IQCM: variants seen among roughly 807,000 people sequenced by gnomAD.
IQCM encodes IQ motif containing M.
In IQCM, 45 loss-of-function variants were observed where a neutral mutation model predicts 57.6. The observed-to-expected ratio is 0.78, with a 90% CI of 0.62 to 1.00. The LOEUF (loss-of-function observed/expected upper bound fraction) is 1.00. Ranked by LOEUF, IQCM falls within the 50% of genes least tolerant of loss-of-function variation. IQCM has a pLI of 0.00. For missense variants in IQCM, 468 were observed against 511.6 expected, an observed-to-expected ratio of 0.91 and a Z score of 0.82; for synonymous variants, 148 against 158.9, an observed-to-expected ratio of 0.93 and a Z score of 0.51.
intron 7 of IQCM, among the ~76,000 whole-genome samples, chr4:149,674,090 G>A (rs934403475): frequency 1.3e-5 from 2 of 151,930 alleles, no homozygotes; most frequent in Non-Finnish European, 2.9e-5. Context: ...GTCTTTCTTT[G>A]CAGAGTTGTT....
At chr4:149,441,680 T>G (rs1287232186) in intron 12 of IQCM, among the ~76,000 whole-genome samples, 1 of 152,132 alleles carries the variant, frequency 6.6e-6, no homozygotes, top group African/African-American at 2.4e-5. Flanking sequence ...TGATTTAAAT[T>G]TTTCAAAAAT....
At chr4:149,538,615 G>T (rs1489399845) in intron 12 of IQCM, among the ~76,000 whole-genome samples, 2 of 151,782 alleles carry the variant, frequency 1.3e-5, no homozygotes, top group Non-Finnish European at 2.9e-5. Flanking sequence ...CAAACTCTAT[G>T]CTCTCTATAA....
intron 12 of IQCM, among the ~76,000 whole-genome samples, chr4:149,511,855 C>A (rs1158236917): frequency 6.6e-6 from 1 of 152,148 alleles, no homozygotes; most frequent in Non-Finnish European, 1.5e-5. Flanking sequence ...ATACTAATGT[C>A]TTGACTGCAG....
chr4:149,623,218 T>C (rs1170848169), intron 7 of IQCM, among the ~76,000 whole-genome samples: 4 of 152,154 alleles, frequency 2.6e-5, no homozygotes, highest in Non-Finnish European at 5.9e-5. Flanking sequence ...AAAAATGAAT[T>C]GTCTGAAAAG....
At chr4:149,591,914 C>G (rs924109819) in intron 8 of IQCM, among the ~76,000 whole-genome samples, 2 of 152,206 alleles carry the variant, frequency 1.3e-5, no homozygotes, top group Middle Eastern at 3.4e-3. Flanking sequence ...AATAAACATA[C>G]GTGTACATGT....
At chr4:149,663,214 T>C (rs1394486647) in intron 7 of IQCM, among the ~76,000 whole-genome samples, 1 of 152,012 alleles carries the variant, frequency 6.6e-6, no homozygotes, top group Non-Finnish European at 1.5e-5. Flanking sequence ...TTATTTTTTT[T>C]CCCTAATTTA....
chr4:149,449,335 T>C (rs1736842066), intron 12 of IQCM, among the ~76,000 whole-genome samples: 1 of 146,330 alleles, frequency 6.8e-6, no homozygotes, highest in Non-Finnish European at 1.5e-5. Flanking sequence ...TATATATAAA[T>C]AAATTATATT....
chr4:149,514,522 T>C (rs1049095449), intron 12 of IQCM: 1 of 152,226 alleles, frequency 6.6e-6, no homozygotes, highest in African/African-American at 2.4e-5. Flanking sequence ...AGCATTTACT[T>C]ACCTCATATG....
chr4:149,615,720 G>A (rs1448248559), intron 8 of IQCM, among the ~76,000 whole-genome samples: 1 of 152,120 alleles, frequency 6.6e-6, no homozygotes, highest in Non-Finnish European at 1.5e-5. Context: ...TTAAAATTTT[G>A]ATAAGACTAA....
intron 8 of IQCM, among the ~76,000 whole-genome samples, chr4:149,603,174 G>A (rs559275127): frequency 2.6e-5 from 4 of 152,124 alleles, no homozygotes; most frequent in African/African-American, 7.2e-5. Flanking sequence ...TGGCCACTAA[G>A]TATTGTTATA....
At chr4:149,657,925 T>C (rs1200308383) in intron 7 of IQCM, among the ~76,000 whole-genome samples, 1 of 152,062 alleles carries the variant, frequency 6.6e-6, no homozygotes, top group Non-Finnish European at 1.5e-5. Context: ...AGTTTGCAAA[T>C]ACTTTCTCCC....
chr4:149,632,099 G>C (rs1212880586), intron 7 of IQCM, among the ~76,000 whole-genome samples: 1 of 152,222 alleles, frequency 6.6e-6, no homozygotes, highest in Non-Finnish European at 1.5e-5. Context: ...AGTTCTCTCT[G>C]AAGCTGGTTG....
chr4:149,553,371 T>C (rs1289255571), intron 10 of IQCM, 84 bp from the exon 11 acceptor site: 3 of 1,095,330 alleles, frequency 2.7e-6, no homozygotes, highest in Non-Finnish European at 1.2e-6. Context: ...CTATTTCACC[T>C]AGTTTCTAAG....
chr4:149,424,664 A>AT (rs1392011234), intron 13 of IQCM, among the ~76,000 whole-genome samples: 1 of 151,772 alleles, frequency 6.6e-6, no homozygotes, highest in Non-Finnish European at 1.5e-5. Context: ...ATTAAAATTT[A>AT]TTTTTCATAT....
intron 5 of IQCM, among the ~76,000 whole-genome samples, chr4:149,728,386 C>G (rs896622325): frequency 6.6e-6 from 1 of 152,196 alleles, no homozygotes; most frequent in Admixed American, 6.5e-5. Context: ...ATCTGTTTCC[C>G]TAGCTAGACC....
intron 13 of IQCM, among the ~76,000 whole-genome samples, chr4:149,357,972 G>T (rs1009633177): frequency 2.0e-5 from 3 of 152,116 alleles, no homozygotes; most frequent in Admixed American, 2.0e-4. Flanking sequence ...GTTTAGTTTT[G>T]GGAGAGTGTA....
At chr4:149,481,701 G>GTTTTTGTTTTTTGTTTTTTTTT (rs1740822174) in intron 12 of IQCM, among the ~76,000 whole-genome samples, 1 of 51,550 alleles carries the variant, frequency 1.9e-5, no homozygotes, top group African/African-American at 7.6e-5. Flanking sequence ...TTCCAGTTTT[G>GTTTTTGTTTTTTGTTTTTTTTT]TTTTTTTTTT....
At chr4:149,362,948 T>C (rs1427423505) in intron 13 of IQCM, among the ~76,000 whole-genome samples, 2 of 152,190 alleles carry the variant, frequency 1.3e-5, no homozygotes, top group Admixed American at 6.5e-5. Flanking sequence ...TTGGATGATT[T>C]TATGTGCTCT....
chr4:149,353,487 C>A (rs2110863782), intron 13 of IQCM, among the ~76,000 whole-genome samples: 1 of 152,290 alleles, frequency 6.6e-6, no homozygotes, highest in East Asian at 1.9e-4. Flanking sequence ...TACACGTGCA[C>A]ATTCACTGCA....
Sources: allele counts gnomAD v4.1 joint callset (sites outside exome capture counted in the v4.1 genomes callset), GRCh38; gene constraint gnomAD v4.1.1; transcripts MANE v1.5; gene names NCBI Gene and HGNC (gene_info 2026-07-23, HGNC 2026-07-21).